The following SERINC5 variants were observed in gnomAD, a reference collection of about 807,000 sequenced individuals.
SERINC5 encodes chromosome 5 open reading frame 12.
A neutral mutation model predicts 63.1 loss-of-function variants in SERINC5; 41 were observed. That is an observed-to-expected ratio of 0.65 (90% CI 0.51 to 0.84). The LOEUF (loss-of-function observed/expected upper bound fraction) is 0.84, where lower values mean the gene tolerates loss of function less well. Ranked by LOEUF, SERINC5 falls within the 40% of genes least tolerant of loss-of-function variation. The pLI is 0.00. For missense variants in SERINC5, 523 were observed against 573.0 expected (o/e 0.91, Z 0.89); for synonymous variants, 222 against 215.2 (o/e 1.03, Z -0.28).
chr5:80,156,238 G>A (rs149476086), intron 8 of SERINC5, among the ~76,000 whole-genome samples: 18 of 152,146 alleles, frequency 1.2e-4, no homozygotes, highest in African/African-American at 4.3e-4. Flanking sequence ...GTTCCCACAC[G>A]GACGATGTGG....
intron 11 of SERINC5, among the ~76,000 whole-genome samples, chr5:80,130,379 CA>C (rs58879386): frequency 0.14 from 19,929 of 139,166 alleles, 1,510 homozygotes; most frequent in East Asian, 0.23. Context: ...GATTCCATCT[CA>C]AAAAAAAAAA....
At chr5:80,122,216 A>ATATATATATATATATAATG (rs1561348089) in intron 11 of SERINC5, among the ~76,000 whole-genome samples, 3 of 67,520 alleles carry the variant, frequency 4.4e-5, no homozygotes, top group African/African-American at 2.1e-4. Flanking sequence ...TATATATAAT[A>ATATATATATATATATAATG]TGAGTTTATT....
chr5:80,227,602 A>C (rs184649283), intron 1 of SERINC5, among the ~76,000 whole-genome samples: 27 of 126,922 alleles, frequency 2.1e-4, no homozygotes, highest in Middle Eastern at 7.6e-3. Flanking sequence ...CTCTACTAAA[A>C]ATACAAAAAA....
chr5:80,220,137 G>T (rs964549942), intron 1 of SERINC5, among the ~76,000 whole-genome samples: 7 of 151,992 alleles, frequency 4.6e-5, no homozygotes, highest in African/African-American at 1.7e-4. Context: ...TTAACTCAGA[G>T]GCGGAGGTTG....
chr5:80,168,326 A>G (rs1025276371), intron 6 of SERINC5, among the ~76,000 whole-genome samples: 11 of 151,956 alleles, frequency 7.2e-5, no homozygotes, highest in Admixed American at 6.6e-4. Flanking sequence ...CCTCCCGGGT[A>G]GCTGGGAATA....
At chr5:80,128,924 T>C (rs545156092) in intron 11 of SERINC5, 16 of 152,330 alleles carry the variant, frequency 1.1e-4, no homozygotes, top group East Asian at 5.8e-4. Context: ...TTTCTGCAGA[T>C]TGGCTTTCTT....
At chr5:80,153,549 T>C (rs550366552) in intron 8 of SERINC5, among the ~76,000 whole-genome samples, 1 of 152,178 alleles carries the variant, frequency 6.6e-6, no homozygotes, top group African/African-American at 2.4e-5. Flanking sequence ...GACCACTGTT[T>C]GGTGAGCACA....
In SERINC5 at chr5:80,177,408, G is replaced by T; in HGVS notation, c.375-11C>A. 5 of 1,606,478 alleles carry T rather than the reference G, an allele frequency of 3.1e-6. No individual in the cohort carries two copies. Among genetic ancestry groups the T allele is most frequent in the Non-Finnish European group, 4.3e-6 (5 of 1,174,698 alleles). On this transcript the variant is annotated splice_polypyrimidine_tract_variant and intron_variant, in intron 3 of 11. Coordinates refer to ENST00000507668, the MANE Select transcript of SERINC5 (RefSeq NM_001174072.3). ...TTAAAGAACCAAAAGCTAGAAGTGG[G>T]GGGAAAAAAAAGAGGAAATGTATTT...
chr5:80,173,203 G>GA (rs1747773417), intron 5 of SERINC5, among the ~76,000 whole-genome samples: 1 of 149,430 alleles, frequency 6.7e-6, no homozygotes, highest in Non-Finnish European at 1.5e-5. Context: ...AAAAGGAAAG[G>GA]AAGAGGAAAG....
At chr5:80,120,071 G>T (rs556942250) in intron 11 of SERINC5, among the ~76,000 whole-genome samples, 2 of 152,146 alleles carry the variant, frequency 1.3e-5, no homozygotes, top group Admixed American at 6.5e-5. Context: ...TTCTATAAAG[G>T]GGGGGCTATA....
chr5:80,229,021 CTTTTTT>C lies in SERINC5; in HGVS notation c.28-25974_28-25969del, dbSNP rs1166636996. Among the ~76,000 whole-genome samples, 614 of 85,976 alleles carry C rather than the reference CTTTTTT, an allele frequency of 7.1e-3. 17 individuals carry two copies. Among genetic ancestry groups the C allele is most frequent in the African/African-American group, 0.022 (514 of 23,502 alleles). The allele number at this position is 85,976 out of a possible 152,430, so 56.4% of individuals were successfully genotyped here. ...AAAATACCACCAATGTTTTACATAC[CTTTTTT>C]TTTTTTTTTTTTTTTTTTTTTTTGG... On this transcript the variant is annotated intron_variant, in intron 1 of 11. Transcript: ENST00000507668.
At chr5:80,136,422 T>C (rs1230222783), downstream of SERINC5, among the ~76,000 whole-genome samples, 1 of 152,198 alleles carries the variant, frequency 6.6e-6, no homozygotes, top group Non-Finnish European at 1.5e-5. Flanking sequence ...TTCTCAACAA[T>C]TAGCACAACA....
intron 8 of SERINC5, chr5:80,158,287 GGAGCTGCTTTGCC>G (rs1746665817): frequency 6.5e-6 from 1 of 152,742 alleles, no homozygotes; most frequent in South Asian, 2.1e-4. Context: ...TACTTTTGGA[GGAGCTGCTTTGCC>G]GAGTGAACAA....
chr5:80,143,913 G>A (rs1284468359), intron 11 of SERINC5, 103 bp from the exon 12 acceptor site: 1 of 1,313,812 alleles, frequency 7.6e-7, no homozygotes, highest in Non-Finnish European at 1.0e-6. Flanking sequence ...GGCTTTCAAT[G>A]TATTCATACA....
At position 80,204,387 on chromosome 5, in the gene SERINC5, A is replaced by T. The variant is rs142339142; in HGVS notation, c.28-1334T>A. On this transcript the variant is annotated intron_variant, in intron 1 of 11. Coordinates refer to ENST00000507668, the MANE Select transcript of SERINC5 (RefSeq NM_001174072.3). ...TGTCAGAATTGAATTAAATTGTGGG[A>T]TGCCCAGTTGGTGTCCTGTACTGAG... Among the ~76,000 whole-genome samples, 794 of 152,302 alleles carry T rather than the reference A, an allele frequency of 5.2e-3. 7 individuals are homozygous for T. Among genetic ancestry groups the T allele is most frequent in the African/African-American group, 0.016 (678 of 41,560 alleles).
chr5:80,253,249 G>A (rs190754946), intron 1 of SERINC5, among the ~76,000 whole-genome samples: 5 of 152,258 alleles, frequency 3.3e-5, no homozygotes, highest in Admixed American at 2.0e-4. Flanking sequence ...AAGGTACCAC[G>A]CTGTCTCCTC....
intron 1 of SERINC5, among the ~76,000 whole-genome samples, chr5:80,234,750 T>C (rs1007696867): frequency 6.6e-5 from 10 of 152,198 alleles, no homozygotes; most frequent in Admixed American, 1.3e-4. Flanking sequence ...CTCAGAATTA[T>C]TGCATATATA....
At chr5:80,132,183 T>G (rs1302575859) in intron 11 of SERINC5, among the ~76,000 whole-genome samples, 3 of 152,140 alleles carry the variant, frequency 2.0e-5, no homozygotes, top group African/African-American at 7.2e-5. Context: ...TTTAAACCAT[T>G]AAGTTTTAGT....
At chr5:80,174,807 A>T in intron 5 of SERINC5, 147 bp downstream of exon 5, 1 of 554,628 alleles carries the variant, frequency 1.8e-6, no homozygotes, top group South Asian at 2.6e-5. Context: ...GAAGTGAATG[A>T]AGGAGAGGAG....
Sources: gnomAD v4.1 joint callset for allele counts (sites outside exome capture counted in the v4.1 genomes callset) on GRCh38, gnomAD v4.1.1 for gene constraint, MANE v1.5 for transcripts, NCBI Gene and HGNC (gene_info 2026-07-23, HGNC 2026-07-21) for gene names.